The following AGBL1 variants were observed in gnomAD, a reference collection of about 807,000 sequenced individuals.
The protein encoded by AGBL1 is AGBL carboxypeptidase 1.
A neutral mutation model predicts 118.9 loss-of-function variants in AGBL1; 130 were observed. The observed-to-expected ratio is 1.09, with a 90% confidence interval of 0.95 to 1.26. The LOEUF (loss-of-function observed/expected upper bound fraction) is 1.26, where lower values mean the gene tolerates loss of function less well. Ranked by LOEUF, AGBL1 falls within the 50% of genes most tolerant of loss-of-function variation. The pLI is 0.00. For missense variants in AGBL1, 1,584 were observed against 1,298.1 expected, an observed-to-expected ratio of 1.22 and a Z score of -3.38; for synonymous variants, 555 against 478.9, an observed-to-expected ratio of 1.16 and a Z score of -2.08.
chr15:86,491,964 A>G (rs2082786021), intron 18 of AGBL1, among the ~76,000 whole-genome samples: 1 of 152,076 alleles, frequency 6.6e-6, no homozygotes, highest in Admixed American at 6.6e-5. Context: ...CTAATACTAC[A>G]CATTCATGAT....
At chr15:86,202,146 A>T (rs972198633) in intron 5 of AGBL1, among the ~76,000 whole-genome samples, 1 of 152,152 alleles carries the variant, frequency 6.6e-6, no homozygotes, top group Admixed American at 6.5e-5. Context: ...TACAAAAATT[A>T]GCAAGGCATG....
At chr15:86,409,766 T>G (rs1445939088) in intron 18 of AGBL1, among the ~76,000 whole-genome samples, 1 of 152,114 alleles carries the variant, frequency 6.6e-6, no homozygotes, top group African/African-American at 2.4e-5. Context: ...GGGCTGAGGC[T>G]CCTCAGGAAA....
intron 19 of AGBL1, among the ~76,000 whole-genome samples, chr15:86,523,663 T>C (rs1037678231): frequency 6.6e-6 from 1 of 151,214 alleles, no homozygotes; most frequent in Admixed American, 6.6e-5. Context: ...TATTAAATAG[T>C]GTTTGGAACG....
chr15:86,919,573 GACACACACACACACACACAC>G (rs376501612), downstream of AGBL1, among the ~76,000 whole-genome samples: 1 of 128,738 alleles, frequency 7.8e-6, no homozygotes, highest in Non-Finnish European at 1.8e-5. Flanking sequence ...TCCCTGTTGA[GACACACACACACACACACAC>G]ACACACACAC....
rs148588824 is a variant in AGBL1, at chr15:86,391,863, A to G, written c.2375-5503A>G. 7.8e-4 allele frequency among the ~76,000 whole-genome samples: 119 copies of G among 151,852 alleles called. 1 individual carries two copies. The highest frequency in any genetic ancestry group is 2.6e-3 in the African/African-American group (108 of 41,446). ...TTTATGACCTCAGACGTTTGCAAAT[A>G]CGTCTACTTAGGCCATTTCTACTAC... On this transcript the variant is annotated intron_variant, in intron 17 of 22. Coordinates refer to ENST00000614907, the MANE Select transcript of AGBL1 (RefSeq NM_001386094.1).
At chr15:86,768,800 C>T (rs1389715496) in intron 22 of AGBL1, among the ~76,000 whole-genome samples, 1 of 151,906 alleles carries the variant, frequency 6.6e-6, no homozygotes, top group Non-Finnish European at 1.5e-5. Context: ...AAATCAGGGG[C>T]CTCTTATATC....
intron 2 of AGBL1, among the ~76,000 whole-genome samples, chr15:86,142,705 G>A (rs559068778): frequency 1.2e-4 from 19 of 152,306 alleles, no homozygotes; most frequent in East Asian, 5.8e-4. Context: ...GGGGCCCATT[G>A]TATTGGGGTC....
intron 21 of AGBL1, among the ~76,000 whole-genome samples, 176 bp downstream of exon 21, chr15:86,554,713 C>G (rs371181875): frequency 9.7e-4 from 148 of 152,318 alleles, no homozygotes; most frequent in African/African-American, 3.4e-3. Context: ...GATCATCTAT[C>G]TTGATCCTGG....
At chr15:86,191,081 C>T (rs1356972532) in intron 5 of AGBL1, among the ~76,000 whole-genome samples, 4 of 152,000 alleles carry the variant, frequency 2.6e-5, no homozygotes, top group Non-Finnish European at 4.4e-5. Context: ...TGGTGGAACA[C>T]GTCTGTAATC....
chr15:86,177,116 A>G, intron 5 of AGBL1, among the ~76,000 whole-genome samples: 1 of 152,208 alleles, frequency 6.6e-6, no homozygotes, highest in Non-Finnish European at 1.5e-5. Flanking sequence ...AAGATATACC[A>G]AGCTAATGAT....
intron 21 of AGBL1, among the ~76,000 whole-genome samples, chr15:86,585,701 TAAAC>T (rs954018500): frequency 7.2e-5 from 11 of 152,114 alleles, no homozygotes; most frequent in African/African-American, 2.7e-4. Flanking sequence ...AAACATAAAA[TAAAC>T]AAAGGGTTAG....
chr15:86,993,634 A>C (rs1443950837), intron 24 of AGBL1, among the ~76,000 whole-genome samples: 2 of 152,058 alleles, frequency 1.3e-5, no homozygotes, highest in Non-Finnish European at 2.9e-5. Flanking sequence ...AGTGAGTTTC[A>C]CACTTATGAT....
intron 22 of AGBL1, among the ~76,000 whole-genome samples, chr15:86,686,694 C>T (rs529255821): frequency 4.9e-4 from 75 of 152,192 alleles, no homozygotes; most frequent in African/African-American, 1.8e-3. Context: ...GCCTTGGCCT[C>T]CCAAAGTGCT....
chr15:86,140,440 G>A (rs2141640290), intron 1 of AGBL1, among the ~76,000 whole-genome samples: 1 of 152,102 alleles, frequency 6.6e-6, no homozygotes, highest in South Asian at 2.1e-4. Context: ...TTTTGGTTCA[G>A]TTTGGTTCCA....
chr15:86,737,638 T>G (rs982997035), intron 22 of AGBL1, among the ~76,000 whole-genome samples: 2 of 152,120 alleles, frequency 1.3e-5, no homozygotes, highest in African/African-American at 4.8e-5. Context: ...GAGAATGACA[T>G]CTGGGAGAAT....
At chr15:86,541,612 AAAAAAG>A (rs1343836650) in intron 19 of AGBL1, among the ~76,000 whole-genome samples, 12 of 146,422 alleles carry the variant, frequency 8.2e-5, no homozygotes, top group Non-Finnish European at 1.4e-4. Flanking sequence ...AAAAAAAAAA[AAAAAAG>A]AGAGAGAGAG....
chr15:86,556,333 A>G, intron 21 of AGBL1: 1 of 1,488,562 alleles, frequency 6.7e-7, no homozygotes, highest in Non-Finnish European at 9.4e-7. Context: ...TGGCTTTTGC[A>G]TTGGGTCACT....
chr15:86,634,749 C>G (rs985291653), intron 21 of AGBL1, among the ~76,000 whole-genome samples: 4 of 151,960 alleles, frequency 2.6e-5, no homozygotes, highest in Non-Finnish European at 4.4e-5. Context: ...AAAAATGTGC[C>G]AGGAAACCAC....
intron 15 of AGBL1, among the ~76,000 whole-genome samples, chr15:86,276,159 A>AT (rs755979280): frequency 2.0e-5 from 3 of 152,114 alleles, no homozygotes; most frequent in Admixed American, 6.6e-5. Context: ...ATTATTTTAC[A>AT]TTTTTTTCTA....
Sources: gnomAD v4.1 joint callset for allele counts (sites outside exome capture counted in the v4.1 genomes callset) on GRCh38, gnomAD v4.1.1 for gene constraint, MANE v1.5 for transcripts, NCBI Gene and HGNC (gene_info 2026-07-23, HGNC 2026-07-21) for gene names.